AUTS2: variants seen among roughly 807,000 people sequenced by gnomAD.
AUTS2 encodes activator of transcription and developmental regulator AUTS2.
Under a neutral mutation model 112.4 loss-of-function variants are expected in AUTS2, and 17 were observed. The ratio of observed to expected loss-of-function variants is 0.15; its 90% CI spans 0.10 to 0.23. AUTS2 has a LOEUF of 0.23. Ranked by LOEUF, AUTS2 falls within the 10% of genes least tolerant of loss-of-function variation. The pLI, the probability that AUTS2 is intolerant of heterozygous loss-of-function variation, is 1.00. For synonymous variants in AUTS2, 751 were observed against 702.7 expected, an observed-to-expected ratio of 1.07 and a Z score of -1.09; for missense variants, 1,510 against 1,701.6, an observed-to-expected ratio of 0.89 and a Z score of 1.98.
chr7:70,156,840 G>T (rs1807789166), intron 4 of AUTS2, among the ~76,000 whole-genome samples: 1 of 134,876 alleles, frequency 7.4e-6, no homozygotes, highest in Non-Finnish European at 1.5e-5. Flanking sequence ...ACGAGGTCAG[G>T]AGTATGAGAC....
At chr7:69,861,403 AAG>A in intron 1 of AUTS2, among the ~76,000 whole-genome samples, 2 of 152,126 alleles carry the variant, frequency 1.3e-5, no homozygotes, top group African/African-American at 4.8e-5. Flanking sequence ...GTTCCCTATA[AAG>A]CAGCCTGTCA....
chr7:69,837,863 C>A (rs1275657479), intron 1 of AUTS2, among the ~76,000 whole-genome samples: 2 of 152,180 alleles, frequency 1.3e-5, no homozygotes, highest in African/African-American at 2.4e-5. Flanking sequence ...TGCAGACTTG[C>A]AAACCAGCCT....
intron 4 of AUTS2, among the ~76,000 whole-genome samples, chr7:70,358,229 G>A (rs1452286725): frequency 8.5e-5 from 13 of 152,122 alleles, no homozygotes. Flanking sequence ...TGATCTAGAT[G>A]GACAGACCCA....
At chr7:70,230,636 A>G (rs934503729) in intron 4 of AUTS2, among the ~76,000 whole-genome samples, 1 of 152,226 alleles carries the variant, frequency 6.6e-6, no homozygotes, top group African/African-American at 2.4e-5. Flanking sequence ...GGCTTTCTGC[A>G]GGCTCTCTGA....
chr7:70,736,151 G>T (rs1343136945), intron 6 of AUTS2, among the ~76,000 whole-genome samples: 1 of 151,378 alleles, frequency 6.6e-6, no homozygotes, highest in African/African-American at 2.4e-5. Context: ...TTTAATATAT[G>T]ATAAAAAAGC....
At position 70,785,736 on chromosome 7, in the gene AUTS2, A is replaced by G. The variant is rs1214285872; in HGVS notation, c.2225-219A>G. On this transcript the variant is annotated intron_variant, in intron 16 of 18. Coordinates refer to ENST00000342771, the MANE Select transcript of AUTS2 (RefSeq NM_015570.4). The stretch of plus-strand genomic sequence containing the variant: ...GCAAAGGAAGAGTAATACAAAATAC[A>G]CAGTTGTAGAAGAAGAGTCCTCAGA... 2.0e-5 allele frequency among the ~76,000 whole-genome samples: 3 copies of G among 152,230 alleles called. No homozygotes were observed. In the East Asian group the frequency reaches 5.8e-4, roughly 29 times the overall value.
chr7:69,819,996 T>C (rs568703774), intron 1 of AUTS2, among the ~76,000 whole-genome samples: 1 of 152,346 alleles, frequency 6.6e-6, no homozygotes, highest in African/African-American at 2.4e-5. Context: ...AGGAGACTGT[T>C]CTACCTAAGA....
chr7:70,370,322 C>T (rs1792783432), intron 4 of AUTS2, among the ~76,000 whole-genome samples: 1 of 152,150 alleles, frequency 6.6e-6, no homozygotes, highest in Admixed American at 6.6e-5. Context: ...ATACCTCCTT[C>T]CTTGCCCATT....
intron 5 of AUTS2, among the ~76,000 whole-genome samples, chr7:70,635,084 C>G (rs1336061597): frequency 6.6e-6 from 1 of 152,116 alleles, no homozygotes; most frequent in Non-Finnish European, 1.5e-5. Context: ...ACCAGAGTAC[C>G]GAGTGCCTTA....
chr7:70,390,109 C>A (rs1457401143), intron 4 of AUTS2, among the ~76,000 whole-genome samples: 3 of 152,204 alleles, frequency 2.0e-5, no homozygotes, highest in Non-Finnish European at 2.9e-5. Context: ...TTCCCCCTTA[C>A]CTTCCAGTGT....
chr7:70,138,188 T>G (rs755485035), intron 4 of AUTS2, among the ~76,000 whole-genome samples: 4 of 152,216 alleles, frequency 2.6e-5, no homozygotes, highest in African/African-American at 7.2e-5. Context: ...TTCAATATAT[T>G]CCACTTTTAT....
chr7:70,641,115 G>A (rs1805805935), intron 5 of AUTS2, among the ~76,000 whole-genome samples: 1 of 152,106 alleles, frequency 6.6e-6, no homozygotes, highest in Non-Finnish European at 1.5e-5. Flanking sequence ...TTCTAGTTAT[G>A]CTCAGTACTT....
intron 11 of AUTS2, among the ~76,000 whole-genome samples, chr7:70,773,262 G>A (rs1419775049): frequency 6.6e-6 from 1 of 152,162 alleles, no homozygotes; most frequent in Non-Finnish European, 1.5e-5. Flanking sequence ...GGTGTTCATA[G>A]AAGTTGTGAT....
chr7:70,432,124 T>C (rs1447597186), intron 4 of AUTS2, among the ~76,000 whole-genome samples: 3 of 152,242 alleles, frequency 2.0e-5, no homozygotes, highest in Admixed American at 6.5e-5. Flanking sequence ...TGGAGAGTAC[T>C]TCGTCACCTC....
intron 1 of AUTS2, among the ~76,000 whole-genome samples, chr7:69,685,494 C>G (rs993932026): frequency 1.3e-5 from 2 of 152,144 alleles, no homozygotes; most frequent in Non-Finnish European, 2.9e-5. Flanking sequence ...TAGTCTTAGA[C>G]AAACTAAGCT....
intron 2 of AUTS2, among the ~76,000 whole-genome samples, chr7:69,942,381 G>C (rs1035397097): frequency 6.6e-6 from 1 of 152,106 alleles, no homozygotes; most frequent in Non-Finnish European, 1.5e-5. Flanking sequence ...TTCTGATTTT[G>C]TGTTTTGACA....
intron 5 of AUTS2, among the ~76,000 whole-genome samples, chr7:70,674,179 AG>A (rs1225480305): frequency 1.3e-5 from 2 of 151,922 alleles, no homozygotes; most frequent in Non-Finnish European, 2.9e-5. Context: ...GCGGTGGGGG[AG>A]GGGGGCCCTG....
chr7:70,530,310 A>G (rs1800028370), intron 5 of AUTS2, among the ~76,000 whole-genome samples: 3 of 152,300 alleles, frequency 2.0e-5, no homozygotes, highest in Non-Finnish European at 2.9e-5. Context: ...TATGAAGTAA[A>G]CAGCCTTTAA....
intron 2 of AUTS2, among the ~76,000 whole-genome samples, chr7:69,927,616 G>T (rs1796073627): frequency 6.6e-6 from 1 of 152,136 alleles, no homozygotes; most frequent in African/African-American, 2.4e-5. Flanking sequence ...TACCAACCTC[G>T]GTCCTACGCC....
Sources: gnomAD v4.1 joint callset for allele counts (sites outside exome capture counted in the v4.1 genomes callset) on GRCh38, gnomAD v4.1.1 for gene constraint, MANE v1.5 for transcripts, NCBI Gene and HGNC (gene_info 2026-07-23, HGNC 2026-07-21) for gene names.